Variants in CYP27A1 observed in about 807,000 individuals in gnomAD.
CYP27A1 encodes sterol 26-hydroxylase, mitochondrial.
In CYP27A1, 46 loss-of-function variants were observed where a neutral mutation model predicts 58.2. That is an observed-to-expected ratio of 0.79 (90% CI 0.62 to 1.01). The LOEUF is 1.01. Ranked by LOEUF, CYP27A1 falls within the 50% of genes least tolerant of loss-of-function variation. The pLI, the probability that CYP27A1 is intolerant of heterozygous loss-of-function variation, is 0.00. For synonymous variants in CYP27A1, 274 were observed against 285.1 expected, an observed-to-expected ratio of 0.96 and a Z score of 0.39; for missense variants, 704 against 687.0, an observed-to-expected ratio of 1.02 and a Z score of -0.28.
At chr2:218,800,123 G>A (rs749717549) in intron 1 of CYP27A1, among the ~76,000 whole-genome samples, 20 of 152,114 alleles carry the variant, frequency 1.3e-4, no homozygotes, top group Non-Finnish European at 2.6e-4. Context: ...CTTTTCTGAG[G>A]GAGAATAAGG....
rs181873967 is a variant in CYP27A1 at position 218,806,878 on chromosome 2, C to T, written c.256-2699C>T. ...GTTCATGGTCAGCTCTATGGAAACA[C>T]GTGCAATTATTATTGTTAATGTCTT... is the stretch of plus-strand genomic sequence containing the variant. On this transcript the variant is annotated intron_variant, in intron 1 of 8. Coordinates refer to ENST00000258415, the MANE Select transcript of CYP27A1 (RefSeq NM_000784.4). 4.0e-5 allele frequency among the ~76,000 whole-genome samples: 6 copies of T among 151,350 alleles called. No individual in the cohort carries two copies. The South Asian group carries it at 8.4e-4, about 21-fold the overall frequency.
At chr2:218,812,826 GC>G in intron 4 of CYP27A1, 77 bp downstream of exon 4, 1 of 1,605,070 alleles carries the variant, frequency 6.2e-7, no homozygotes, top group Non-Finnish European at 8.5e-7. Context: ...TCTCTCCCAG[GC>G]CTTTTCCCTC....
At chr2:218,786,104 T>C (rs1185285929) in intron 1 of CYP27A1, among the ~76,000 whole-genome samples, 2 of 152,162 alleles carry the variant, frequency 1.3e-5, no homozygotes, top group African/African-American at 4.8e-5. Flanking sequence ...CTGAGAAACA[T>C]AGCAAGACCC....
chr2:218,790,094 A>G (rs528819569), intron 1 of CYP27A1, among the ~76,000 whole-genome samples: 1 of 152,276 alleles, frequency 6.6e-6, no homozygotes, highest in Admixed American at 6.5e-5. Context: ...ATTTGTTTCC[A>G]ATTTCTCCTC....
chr2:218,787,413 T>C (rs1016110611), intron 1 of CYP27A1, among the ~76,000 whole-genome samples: 1 of 152,224 alleles, frequency 6.6e-6, no homozygotes. Context: ...AACTAAATGT[T>C]GTCATCACAT....
At chr2:218,799,186 C>T (rs1943575778) in intron 1 of CYP27A1, among the ~76,000 whole-genome samples, 1 of 152,040 alleles carries the variant, frequency 6.6e-6, no homozygotes, top group African/African-American at 2.4e-5. Flanking sequence ...CCCCCTAATG[C>T]TCTGCAACTC....
chr2:218,788,266 G>A (rs1943458068), intron 1 of CYP27A1, among the ~76,000 whole-genome samples: 1 of 152,230 alleles, frequency 6.6e-6, no homozygotes, highest in Non-Finnish European at 1.5e-5. Flanking sequence ...ACTGGCTTGA[G>A]CTTCCTTACA....
chr2:218,793,789 A>G (rs1238456256), intron 1 of CYP27A1, among the ~76,000 whole-genome samples: 1 of 146,948 alleles, frequency 6.8e-6, no homozygotes, highest in Admixed American at 7.0e-5. Context: ...ATCTCGGCCC[A>G]CTGCAACCTC....
At chr2:218,789,613 A>G (rs986656106) in intron 1 of CYP27A1, among the ~76,000 whole-genome samples, 1 of 152,158 alleles carries the variant, frequency 6.6e-6, no homozygotes, top group African/African-American at 2.4e-5. Context: ...TCTGTATACA[A>G]CTCCATTTAC....
intron 2 of CYP27A1, among the ~76,000 whole-genome samples, chr2:218,811,493 A>G (rs1212233716): frequency 1.3e-5 from 2 of 152,206 alleles, no homozygotes; most frequent in African/African-American, 2.4e-5. Context: ...AATCTTGCTT[A>G]TGGAAAGTAT....
intron 2 of CYP27A1, 119 bp downstream of exon 2, chr2:218,809,886 T>C: frequency 1.1e-6 from 1 of 915,268 alleles, no homozygotes; most frequent in Non-Finnish European, 1.6e-6. Flanking sequence ...CCTCTGAGCC[T>C]GATGGTCTAG....
chr2:218,783,114 G>A (rs1246601334), intron 1 of CYP27A1, among the ~76,000 whole-genome samples: 2 of 151,788 alleles, frequency 1.3e-5, no homozygotes, highest in Admixed American at 6.6e-5. Flanking sequence ...AACATTAGCC[G>A]GGCATGGTGG....
chr2:218,793,635 AATAC>A (rs1462624426), intron 1 of CYP27A1, among the ~76,000 whole-genome samples: 1 of 152,138 alleles, frequency 6.6e-6, no homozygotes, highest in Non-Finnish European at 1.5e-5. Context: ...AAACTTCATA[AATAC>A]ATTTATCAAA....
intron 1 of CYP27A1, among the ~76,000 whole-genome samples, chr2:218,801,513 A>AC (rs398105348): frequency 2.3e-4 from 35 of 151,690 alleles, no homozygotes; most frequent in Admixed American, 1.1e-3. Flanking sequence ...CTCAAAAAAA[A>AC]CCCAAAAAAC....
rs190650959 is a variant in CYP27A1 at position 218,807,359 on chromosome 2, T to C, written c.256-2218T>C. On this transcript the variant is annotated intron_variant, in intron 1 of 8. Coordinates refer to ENST00000258415, the MANE Select transcript of CYP27A1 (RefSeq NM_000784.4). ...ACAAAACTCACTCACAGGAAAATGA[T>C]ATGGCTGGGGCACTTATAAATCTAA... Among the ~76,000 whole-genome samples the C allele has an allele frequency of 8.1e-4, 123 of 152,318 alleles. 1 individual carries two copies. Among genetic ancestry groups the C allele is most frequent in the Non-Finnish European group, 1.1e-3 (73 of 68,030 alleles).
intron 1 of CYP27A1, among the ~76,000 whole-genome samples, chr2:218,808,526 C>T (rs691414): frequency 0.054 from 8,251 of 152,206 alleles, 738 homozygotes; most frequent in African/African-American, 0.19. Flanking sequence ...GGTTGGGTGA[C>T]GTTTCCTTCT....
rs79254918 is a variant in CYP27A1 at position 218,794,505 on chromosome 2, G to A, written c.255+12068G>A. Among the ~76,000 whole-genome samples the A allele has an allele frequency of 5.4e-3, 815 of 152,204 alleles. 8 individuals carry two copies. Among genetic ancestry groups the A allele is most frequent in the African/African-American group, 0.018 (755 of 41,500 alleles). On this transcript the variant is annotated intron_variant, in intron 1 of 8. Transcript: ENST00000258415. ...ACATGTATCAAAAGGAGAAAAGGGC[G>A]GGTAAGATCAGCTCAAAAATCCCAA...
intron 1 of CYP27A1, among the ~76,000 whole-genome samples, chr2:218,789,590 G>C (rs1307622301): frequency 6.6e-6 from 1 of 152,230 alleles, no homozygotes; most frequent in African/African-American, 2.4e-5. Context: ...ATTGGCACAA[G>C]AGTAGGCTAC....
rs1346166914 is a variant in CYP27A1, at chr2:218,814,457, A to T, written c.1262A>T (p.Asn421Ile). 1 of 1,614,248 alleles carries T rather than the reference A, an allele frequency of 6.2e-7. No individual in the cohort carries two copies. The highest frequency in any genetic ancestry group is 1.1e-5 in the South Asian group (1 of 91,088). Residue 421 changes from asparagine to isoleucine, a missense_variant and splice_region_variant, in exon 7 of 9, where the codon AAC becomes ATC. Physicochemically the swap from Asn to Ile is moderately radical, Grantham distance 149 (BLOSUM62 -3). Coordinates refer to ENST00000258415, the MANE Select transcript of CYP27A1 (RefSeq NM_000784.4). ...GTTGATGGCTTCCTCTTCCCCAAGA[A>T]CGTGAGTGGGGCTAGAGAGCCCGAT... ...IEVDGFLFPK[N>I]TQFVFCHYVV...
Sources: allele counts gnomAD v4.1 joint callset (sites outside exome capture counted in the v4.1 genomes callset), GRCh38; gene constraint gnomAD v4.1.1; transcripts MANE v1.5; gene names NCBI Gene and HGNC (gene_info 2026-07-23, HGNC 2026-07-21).